KCNQ1: variants seen among roughly 807,000 people sequenced by gnomAD.
The protein encoded by KCNQ1 is potassium voltage-gated channel subfamily Q member 1.
In KCNQ1, 49 loss-of-function variants were observed where a neutral mutation model predicts 72.4. The ratio of observed to expected loss-of-function variants is 0.68; its 90% confidence interval spans 0.54 to 0.86. The LOEUF is 0.86. KCNQ1 is among the 40% of genes least tolerant of loss of function. The pLI is 0.00. For synonymous variants in KCNQ1, 450 were observed against 412.6 expected, an observed-to-expected ratio of 1.09 and a Z score of -1.10; for missense variants, 790 against 945.1, an observed-to-expected ratio of 0.84 and a Z score of 2.15.
In KCNQ1 at chr11:2,687,967, T is replaced by A. The variant is rs775726238; in HGVS notation, c.1514+25886T>A. The A allele has an allele frequency of 7.5e-6, 3 of 398,774 alleles. No individual in the cohort carries two copies. The highest frequency in any genetic ancestry group is 1.3e-5 in the Non-Finnish European group (3 of 226,178). The allele number at this position is 398,774 out of a possible 1,614,324, so 24.7% of individuals were successfully genotyped here. A position where few individuals can be genotyped will look rare whatever the true frequency, so the allele number is the denominator to read the frequency against. ...CGCTGTGGGTCAGCCAGGCCGCTGCTTCCTGCTTCCCTTTGATGTCTCCTC... is the reference window on the plus strand; with the variant it reads ...CGCTGTGGGTCAGCCAGGCCGCTGCATCCTGCTTCCCTTTGATGTCTCCTC... On this transcript the variant is annotated intron_variant, in intron 11 of 15. Coordinates refer to ENST00000155840, the MANE Select transcript of KCNQ1 (RefSeq NM_000218.3). This position sits in a 1 kb window ranked among gnomAD's most constrained non-coding sequence, Gnocchi z 5.0.
In KCNQ1 at chr11:2,664,440, C is replaced by A. The variant is rs1000892485; in HGVS notation, c.1514+2359C>A. The A allele has an allele frequency of 2.0e-5, 8 of 398,668 alleles. No homozygotes were observed. In the South Asian group the frequency reaches 7.6e-4, roughly 38 times the overall value. The allele number at this position is 398,668 out of a possible 1,614,324, so 24.7% of individuals were successfully genotyped here. On this transcript the variant is annotated intron_variant, in intron 11 of 15. Transcript: ENST00000155840. The surrounding 1 kb of genome is among the most constrained non-coding windows in gnomAD (Gnocchi z 5.1). ...CAGTGTCAGGGCCTAGGAACCCAGGCTCCTCTGGGATACAGGCTGGGTAGA... is the reference window on the plus strand; with the variant it reads ...CAGTGTCAGGGCCTAGGAACCCAGGATCCTCTGGGATACAGGCTGGGTAGA...
intron 11 of KCNQ1, among the ~76,000 whole-genome samples, chr11:2,730,468 GTC>G (rs1845837102): frequency 6.6e-6 from 1 of 152,186 alleles, no homozygotes; most frequent in African/African-American, 2.4e-5. Flanking sequence ...CGGCCCCCTT[GTC>G]TCTGCTTCTG....
chr11:2,553,441 T>A (rs1253763573), intron 2 of KCNQ1, among the ~76,000 whole-genome samples: 2 of 152,192 alleles, frequency 1.3e-5, no homozygotes, highest in East Asian at 3.9e-4. Context: ...GTTCCTCCTC[T>A]TCCTGGTTTG....
chr11:2,580,630 G>A (rs1848485485), intron 6 of KCNQ1, among the ~76,000 whole-genome samples: 1 of 152,178 alleles, frequency 6.6e-6, no homozygotes, highest in South Asian at 2.1e-4. Flanking sequence ...AGAGAGTGCT[G>A]CCGTCCCTGA....
chr11:2,455,669 T>A (rs1846182198), intron 1 of KCNQ1, among the ~76,000 whole-genome samples: 1 of 152,224 alleles, frequency 6.6e-6, no homozygotes, highest in Non-Finnish European at 1.5e-5. Context: ...ATGCTATTCC[T>A]ATCAAACTAC....
intron 11 of KCNQ1, among the ~76,000 whole-genome samples, chr11:2,702,718 A>T (rs144902704): frequency 5.6e-4 from 85 of 152,254 alleles, no homozygotes; most frequent in Non-Finnish European, 1.0e-3. Flanking sequence ...CGCCTGTGAT[A>T]TTCCATGGGC....
intron 1 of KCNQ1, 93 bp from the exon 2 acceptor site, chr11:2,527,835 G>C: frequency 9.7e-7 from 1 of 1,027,506 alleles, no homozygotes; most frequent in Non-Finnish European, 1.5e-6. Flanking sequence ...CTACCTGGGG[G>C]CGGGGCTGAG....
In KCNQ1 at chr11:2,538,561, G is replaced by A. The variant is rs2133672550; in HGVS notation, c.477+10543G>A. Among the ~76,000 whole-genome samples, 1 of 152,288 alleles carries A rather than the reference G, an allele frequency of 6.6e-6. No homozygotes were observed. Among genetic ancestry groups the A allele is most frequent in the South Asian group, 2.1e-4 (1 of 4,830 alleles). The stretch of plus-strand genomic sequence containing the variant: ...GAGGACAGCTGACATTCTTTCATGC[G>A]AAATCTGCTTGCGGGAGAGTCGTGA... On this transcript the variant is annotated intron_variant, in intron 2 of 15. Transcript: ENST00000155840. This position sits in a 1 kb window ranked among gnomAD's most constrained non-coding sequence, Gnocchi z 6.7.
rs890399985 is a variant in KCNQ1 at position 2,750,402 on chromosome 11, G to A, written c.1515-18442G>A. Among the ~76,000 whole-genome samples the A allele has an allele frequency of 6.6e-6, 1 of 152,154 alleles. No individual in the cohort carries two copies. The highest frequency in any genetic ancestry group is 1.5e-5 in the Non-Finnish European group (1 of 68,022). On this transcript the variant is annotated intron_variant, in intron 11 of 15. Transcript: ENST00000155840. This position sits in a 1 kb window ranked among gnomAD's most constrained non-coding sequence, Gnocchi z 6.3. Reference sequence around the variant, plus strand: ...GTGAACTGCTGGGCCTTCCTTAGGGGCCCTGGGGAGCCTTCCCAGCAGAAT... The same window carrying A: ...GTGAACTGCTGGGCCTTCCTTAGGGACCCTGGGGAGCCTTCCCAGCAGAAT...
Position 2,507,874 on chromosome 11 carries a change from C to G in KCNQ1, c.387-20054C>G, listed in dbSNP as rs1847129786. Among the ~76,000 whole-genome samples the G allele has an allele frequency of 6.6e-6, 1 of 152,140 alleles. No individual in the cohort carries two copies. Among genetic ancestry groups the G allele is most frequent in the South Asian group, 2.1e-4 (1 of 4,838 alleles). On this transcript the variant is annotated intron_variant, in intron 1 of 15. Transcript: ENST00000155840. This position sits in a 1 kb window ranked among gnomAD's most constrained non-coding sequence, Gnocchi z 5.4. ...TCCGGGAGGTTGGGTGTCCTGCAGC[C>G]TCCACAGGGGCAATGGAGGAAGAAC...
At chr11:2,770,992 C>T (rs1414171937) in intron 12 of KCNQ1, among the ~76,000 whole-genome samples, 1 of 152,232 alleles carries the variant, frequency 6.6e-6, no homozygotes, top group Admixed American at 6.5e-5. Flanking sequence ...ACAGCATGGT[C>T]GTGACAGCCG....
In KCNQ1 at chr11:2,703,194, G is replaced by A. The variant is rs1410899999; in HGVS notation, c.1514+41113G>A. On this transcript the variant is annotated intron_variant, in intron 11 of 15. Coordinates refer to ENST00000155840, the MANE Select transcript of KCNQ1 (RefSeq NM_000218.3). The surrounding 1 kb of genome is among the most constrained non-coding windows in gnomAD (Gnocchi z 6.4). ...ATTCTGGGAGGGGGCTGCAGTCACG[G>A]CCAGCTCCCTTTCTGAATTGTTCTG... is the stretch of plus-strand genomic sequence containing the variant. 1.3e-5 allele frequency among the ~76,000 whole-genome samples: 2 copies of A among 152,162 alleles called. No individual in the cohort carries two copies. The highest frequency in any genetic ancestry group is 1.3e-4 in the Admixed American group (2 of 15,286).
chr11:2,820,061 T>C (rs941417686), intron 15 of KCNQ1, among the ~76,000 whole-genome samples: 1 of 152,256 alleles, frequency 6.6e-6, no homozygotes. Flanking sequence ...TTCTTTTTCA[T>C]AAAATATTTT....
Position 2,671,913 on chromosome 11 carries a change from C to G in KCNQ1, c.1514+9832C>G. On this transcript the variant is annotated intron_variant, in intron 11 of 15. Coordinates refer to ENST00000155840, the MANE Select transcript of KCNQ1 (RefSeq NM_000218.3). The surrounding 1 kb of genome is among the most constrained non-coding windows in gnomAD (Gnocchi z 4.7). The stretch of plus-strand genomic sequence containing the variant: ...CCAGGCAGCCAGCCTGTGGGCCCCG[C>G]TATGCTTCCTCAGGCAGCTAGTCTC... 1 of 398,700 alleles carries G rather than the reference C, an allele frequency of 2.5e-6. No individual in the cohort carries two copies. The highest frequency in any genetic ancestry group is 3.6e-5 in the East Asian group (1 of 28,082). 24.7% of individuals were successfully genotyped at this position (398,700 alleles called of 1,614,324 possible). A position where few individuals can be genotyped will look rare whatever the true frequency, so the allele number is the denominator to read the frequency against.
At chr11:2,799,112 G>A (rs1172123452) in intron 15 of KCNQ1, among the ~76,000 whole-genome samples, 9 of 152,240 alleles carry the variant, frequency 5.9e-5, no homozygotes, top group African/African-American at 2.2e-4. Flanking sequence ...AGCTGGCGAG[G>A]GGCAAAGCAA....
At position 2,678,607 on chromosome 11, in the gene KCNQ1, T is replaced by G. The variant is rs1850334637; in HGVS notation, c.1514+16526T>G. ...CTTATCTGTGTAGCAGGACTCCCCC[T>G]CATCTCCATTACTTAAGAGCCAATA... On this transcript the variant is annotated intron_variant, in intron 11 of 15. Transcript: ENST00000155840. The surrounding 1 kb of genome is among the most constrained non-coding windows in gnomAD (Gnocchi z 4.9). 1 of 398,470 alleles carries G rather than the reference T, an allele frequency of 2.5e-6. No homozygotes were observed. The highest frequency in any genetic ancestry group is 2.1e-5 in the African/African-American group (1 of 48,620). 24.7% of individuals were successfully genotyped at this position (398,470 alleles called of 1,614,324 possible).
At chr11:2,555,577 C>T (rs1848058429) in intron 2 of KCNQ1, among the ~76,000 whole-genome samples, 1 of 152,256 alleles carries the variant, frequency 6.6e-6, no homozygotes, top group Non-Finnish European at 1.5e-5. Flanking sequence ...GCTTGGGCCA[C>T]TCCTGTGTGT....
intron 7 of KCNQ1, 75 bp from the exon 8 acceptor site, chr11:2,585,137 G>A (rs1589966841): frequency 2.2e-6 from 3 of 1,339,706 alleles, no homozygotes; most frequent in Non-Finnish European, 3.2e-6. Context: ...ACGGTGACCG[G>A]TAACCACGTC....
intron 15 of KCNQ1, among the ~76,000 whole-genome samples, chr11:2,821,419 A>G (rs962354698): frequency 6.6e-6 from 1 of 152,208 alleles, no homozygotes; most frequent in African/African-American, 2.4e-5. Context: ...CCACAGGGCC[A>G]TTGTGTGTCC....
Sources: gnomAD v4.1 joint callset for allele counts (sites outside exome capture counted in the v4.1 genomes callset) on GRCh38, gnomAD v4.1.1 for gene constraint, Gnocchi (gnomAD v3.1) non-coding constraint, MANE v1.5 for transcripts, NCBI Gene and HGNC (gene_info 2026-07-23, HGNC 2026-07-21) for gene names.